Variants in TTC21B observed in about 807,000 individuals in gnomAD.
TTC21B encodes the protein tetratricopeptide repeat domain 21B.
A neutral mutation model predicts 175.1 loss-of-function variants in TTC21B; 127 were observed. That is an observed-to-expected ratio of 0.73 (90% confidence interval 0.63 to 0.84). The LOEUF (loss-of-function observed/expected upper bound fraction) is 0.84, where lower values mean the gene tolerates loss of function less well. TTC21B is among the 40% of genes least tolerant of loss of function. TTC21B has a pLI of 0.00. For synonymous variants in TTC21B, 524 were observed against 524.5 expected (o/e 1.00, Z 0.01); for missense variants, 1,561 against 1,558.3 (o/e 1.00, Z -0.03).
intron 6 of TTC21B, among the ~76,000 whole-genome samples, chr2:165,937,656 G>C (rs987655974): frequency 6.6e-6 from 1 of 151,920 alleles, no homozygotes; most frequent in African/African-American, 2.4e-5. Flanking sequence ...GGTATAAAAT[G>C]ATATCTATGA....
In TTC21B at chr2:165,910,142, G is replaced by A. The variant is rs189253996; in HGVS notation, c.2461+1185C>T. On this transcript the variant is annotated intron_variant, in intron 18 of 28. Coordinates refer to ENST00000243344, the MANE Select transcript of TTC21B (RefSeq NM_024753.5). The stretch of plus-strand genomic sequence containing the variant: ...TCTTAGGCCAGGCGCGGTGGCTCAC[G>A]CCTGTAATCCCAGCACTTTGGGAGG... 3.9e-5 allele frequency among the ~76,000 whole-genome samples: 6 copies of A among 152,232 alleles called. No homozygotes were observed. In the East Asian group the frequency reaches 7.7e-4, roughly 20 times the overall value.
rs145726127 is a variant in TTC21B at position 165,943,316 on chromosome 2, T to C, written c.455A>G (p.Asp152Gly). Residue 152 changes from aspartate to glycine, a missense_variant, in exon 5 of 29, where the codon GAT (aspartate) becomes GGT (glycine). Coordinates refer to ENST00000243344, the MANE Select transcript of TTC21B (RefSeq NM_024753.5). ...GTAAGGCTCTTTTCCTCTTGTAATATCAAGCCATGCTTTCAAAACGTGTCC... is the reference window on the plus strand; with the variant it reads ...GTAAGGCTCTTTTCCTCTTGTAATACCAAGCCATGCTTTCAAAACGTGTCC... ...KQGHVLKAWL[D>G]ITRGKEPYTK... 2.5e-6 allele frequency: 4 copies of C among 1,610,208 alleles called. No individual in the cohort carries two copies. The highest frequency in any genetic ancestry group is 2.5e-6 in the Non-Finnish European group (3 of 1,176,696).
At chr2:165,914,682 T>TGTGTGTGCGCGCGTGTGTGCGCGCGC (rs1553511380) in intron 15 of TTC21B, among the ~76,000 whole-genome samples, 1 of 149,760 alleles carries the variant, frequency 6.7e-6, no homozygotes, top group African/African-American at 2.5e-5. Context: ...TGTGTGTGTG[T>TGTGTGTGCGCGCGTGTGTGCGCGCGC]GTGTGTGTGT....
chr2:165,890,692 T>A, intron 23 of TTC21B, 52 bp from the exon 24 acceptor site: 1 of 1,575,252 alleles, frequency 6.3e-7, no homozygotes, highest in East Asian at 2.3e-5. Flanking sequence ...CTACAAAATT[T>A]ATATTAGTTT....
intron 19 of TTC21B, among the ~76,000 whole-genome samples, chr2:165,902,924 T>A (rs935810461): frequency 2.6e-5 from 4 of 152,188 alleles, no homozygotes; most frequent in Non-Finnish European, 5.9e-5. Flanking sequence ...GGAAAGACCC[T>A]GGGGCCCATC....
In TTC21B at chr2:165,914,655, A is replaced by ATGTG. The variant is rs1466920048; in HGVS notation, c.2138+545_2138+546insCACA. Among the ~76,000 whole-genome samples the ATGTG allele has an allele frequency of 7.8e-4, 59 of 75,702 alleles. 2 individuals carry two copies. The South Asian group carries it at 8.7e-3, about 11-fold the overall frequency. 49.7% of individuals were successfully genotyped at this position (75,702 alleles called of 152,430 possible). A position where few individuals can be genotyped will look rare whatever the true frequency, so the allele number is the denominator to read the frequency against. On this transcript the variant is annotated intron_variant, in intron 15 of 28. Coordinates refer to ENST00000243344, the MANE Select transcript of TTC21B (RefSeq NM_024753.5). ...CTGTTTGGGGAGAAGAGGAAGAGCA[A>ATGTG]TCTGTGTGTGTGTGTGTGTGTGTGT...
chr2:165,948,853 A>C (rs1687673350), intron 3 of TTC21B: 1 of 154,034 alleles, frequency 6.5e-6, no homozygotes, highest in Non-Finnish European at 1.4e-5. Context: ...TGTGCCTGGC[A>C]GTTTACACAA....
chr2:165,921,349 T>C (rs1165070514), intron 12 of TTC21B, among the ~76,000 whole-genome samples: 3 of 152,090 alleles, frequency 2.0e-5, no homozygotes, highest in African/African-American at 4.8e-5. Flanking sequence ...TTGTCACACA[T>C]TGACATGTCA....
At chr2:165,880,242 A>C (rs1380803782) in intron 27 of TTC21B, among the ~76,000 whole-genome samples, 2 of 152,202 alleles carry the variant, frequency 1.3e-5, no homozygotes, top group African/African-American at 4.8e-5. Flanking sequence ...TCCCATGGTC[A>C]AATAATTGTG....
chr2:165,945,444 TAA>T, intron 4 of TTC21B, 78 bp downstream of exon 4: 1 of 1,341,212 alleles, frequency 7.5e-7, no homozygotes, highest in Non-Finnish European at 1.0e-6. Context: ...AATAAAGAGC[TAA>T]ATCACAGATA....
At chr2:165,919,152 A>T (rs1553512158) in intron 13 of TTC21B, 124 bp downstream of exon 13, 5 of 1,163,944 alleles carry the variant, frequency 4.3e-6, no homozygotes, top group Non-Finnish European at 6.3e-6. Context: ...TGTGAGTTCC[A>T]TTTTTTTTTC....
In TTC21B at chr2:165,924,592, A is replaced by C. The variant is rs541036608; in HGVS notation, c.1473T>G (p.Leu491=). ...TTGCTATTAGGAAGACTGTTTGCAG[A>C]AGACCTGGAACAGTTCTTACTACAG... ...LETVVRTVPG[L]LQTVFLIAKV... The change falls in exon 12 of 29, where the codon CTT becomes CTG. Residue 491 remains leucine (L), a synonymous_variant. Coordinates refer to ENST00000243344, the MANE Select transcript of TTC21B (RefSeq NM_024753.5). The C allele has an allele frequency of 1.2e-6, 2 of 1,613,810 alleles. No individual in the cohort carries two copies. Among genetic ancestry groups the C allele is most frequent in the Non-Finnish European group, 1.7e-6 (2 of 1,179,816 alleles).
At position 165,929,732 on chromosome 2, in the gene TTC21B, T is replaced by G. The variant is rs2105343927; in HGVS notation, c.1103A>C (p.Gln368Pro). 6.2e-7 allele frequency: 1 copy of G among 1,611,266 alleles called. No homozygotes were observed. Among genetic ancestry groups the G allele is most frequent in the Non-Finnish European group, 8.5e-7 (1 of 1,178,232 alleles). The change falls in exon 10 of 29, where the codon CAG (glutamine) becomes CCG (proline). Residue 368 changes from glutamine to proline, a missense_variant. Gln to Pro is a moderately conservative substitution (Grantham distance 76). Coordinates refer to ENST00000243344, the MANE Select transcript of TTC21B (RefSeq NM_024753.5). The part of the protein sequence containing the change: ...VSALVGFIQC[Q>P]LIEGQLQDAD... ...ATCCTGTAATTGCCCTTCTATCAACTGACATTGGATAAATCCTAAAATCAA... is the reference window on the plus strand; with the variant it reads ...ATCCTGTAATTGCCCTTCTATCAACGGACATTGGATAAATCCTAAAATCAA...
At chr2:165,898,516 T>C (rs1685446732) in intron 22 of TTC21B, 170 bp downstream of exon 22, 4 of 677,220 alleles carry the variant, frequency 5.9e-6, no homozygotes, top group Non-Finnish European at 1.1e-5. Context: ...GTCAACAGTG[T>C]TGCAATTTCC....
At position 165,915,241 on chromosome 2, in the gene TTC21B, T is replaced by G. The variant is rs755249116; in HGVS notation, c.2098A>C (p.Lys700Gln). ...TATAACATTTTATCTTTTCTGTGCTTCAGATAAATATCTGCCATTTTTTCT... is the reference window on the plus strand; with the variant it reads ...TATAACATTTTATCTTTTCTGTGCTGCAGATAAATATCTGCCATTTTTTCT... ...AREKMADIYL[K>Q]HRKDKMLYIT... Residue 700 changes from lysine to glutamine, a missense_variant, in exon 15 of 29, where the codon AAG (lysine) becomes CAG (glutamine). By Grantham distance (53) the Lys-to-Gln change is moderately conservative. Coordinates refer to ENST00000243344, the MANE Select transcript of TTC21B (RefSeq NM_024753.5). 6.2e-7 allele frequency: 1 copy of G among 1,613,972 alleles called. No homozygotes were observed. The highest frequency in any genetic ancestry group is 8.5e-7 in the Non-Finnish European group (1 of 1,179,828).
At chr2:165,953,053 T>C (rs895379855) in intron 1 of TTC21B, among the ~76,000 whole-genome samples, 1 of 152,198 alleles carries the variant, frequency 6.6e-6, no homozygotes, top group African/African-American at 2.4e-5. Context: ...CAGTAACCCT[T>C]CATAAATATT....
rs776196183 is a variant in TTC21B, at chr2:165,890,585, G to A, written c.3157C>T (p.Arg1053Cys). 6 of 1,613,702 alleles carry A rather than the reference G, an allele frequency of 3.7e-6. No homozygotes were observed. The highest frequency in any genetic ancestry group is 1.1e-5 in the South Asian group (1 of 91,068). Residue 1053 changes from arginine (R) to cysteine (C), a missense_variant, in exon 24 of 29, where the codon CGT becomes TGT. Physicochemically the swap from Arg to Cys is radical, Grantham distance 180. Transcript: ENST00000243344. ...LRHFNKARKD[R>C]DWGQNALYNM... ...TAAAGGGCATTTTGGCCCCAGTCAC[G>A]ATCTTTCCGAGCTTTATTAAAATGT... is the stretch of plus-strand genomic sequence containing the variant.
At position 165,917,384 on chromosome 2, in the gene TTC21B, C is replaced by G. The variant is rs1327217561; in HGVS notation, c.1772G>C (p.Ser591Thr). ...TCCAATTCTTTTCATTCCTGGTAAACTCATTGCCATATGCAGTGTTTTAAT... is the reference window on the plus strand; with the variant it reads ...TCCAATTCTTTTCATTCCTGGTAAAGTCATTGCCATATGCAGTGTTTTAAT... ...DAIKTLHMAM[S>T]LPGMKRIGAS... is the part of the protein sequence containing the mutation. The change falls in exon 14 of 29, where the codon AGT (serine) becomes ACT (threonine). Residue 591 changes from serine (S) to threonine (T), a missense_variant. Transcript: ENST00000243344. 3.1e-6 allele frequency: 5 copies of G among 1,614,160 alleles called. No individual in the cohort carries two copies. The highest frequency in any genetic ancestry group is 3.3e-5 in the Admixed American group (2 of 60,024).
intron 6 of TTC21B, among the ~76,000 whole-genome samples, chr2:165,939,580 G>T (rs1481549365): frequency 1.3e-5 from 2 of 151,950 alleles, no homozygotes; most frequent in Non-Finnish European, 2.9e-5. Context: ...TGATCTCATG[G>T]CTTTAAAGTC....
Sources: allele counts gnomAD v4.1 joint callset (sites outside exome capture counted in the v4.1 genomes callset), GRCh38; gene constraint gnomAD v4.1.1; transcripts MANE v1.5; gene names NCBI Gene and HGNC (gene_info 2026-07-23, HGNC 2026-07-21).